The following ALMS1 variants were observed in gnomAD, a reference collection of about 807,000 sequenced individuals.
ALMS1 encodes the protein ALMS1 centrosome and basal body associated protein.
A neutral mutation model predicts 352.2 loss-of-function variants in ALMS1; 271 were observed. The ratio of observed to expected loss-of-function variants is 0.77; its 90% CI spans 0.70 to 0.85. The LOEUF (loss-of-function observed/expected upper bound fraction) is 0.85. Among genes scored for constraint, ALMS1 ranks in the 40% least tolerant of loss-of-function variants. The pLI is 0.00. For synonymous variants in ALMS1, 1,865 were observed against 1,761.2 expected (o/e 1.06, Z -1.48); for missense variants, 5,445 against 4,870.7 (o/e 1.12, Z -3.51).
chr2:73,494,108 A>G (rs1673052420), intron 10 of ALMS1, among the ~76,000 whole-genome samples: 1 of 152,212 alleles, frequency 6.6e-6, no homozygotes. Context: ...TAAGGCACTC[A>G]TAATATGACA....
intron 9 of ALMS1, among the ~76,000 whole-genome samples, chr2:73,485,621 T>C (rs1008231797): frequency 2.6e-5 from 4 of 152,212 alleles, no homozygotes; most frequent in Non-Finnish European, 5.9e-5. Flanking sequence ...GCTTCCAGGC[T>C]GCTTTGTTTA....
At chr2:73,527,358 T>A (rs1673812664) in intron 11 of ALMS1, among the ~76,000 whole-genome samples, 1 of 152,104 alleles carries the variant, frequency 6.6e-6, no homozygotes, top group African/African-American at 2.4e-5. Flanking sequence ...TTAGTTCTTC[T>A]TTAACTATTT....
chr2:73,439,025 TTTC>T (rs1014208326), intron 7 of ALMS1, among the ~76,000 whole-genome samples: 17 of 152,000 alleles, frequency 1.1e-4, no homozygotes, highest in African/African-American at 3.1e-4. Flanking sequence ...TCCTCCTTTT[TTTC>T]TTCTTTTTTC....
intron 16 of ALMS1, among the ~76,000 whole-genome samples, chr2:73,579,968 C>T (rs373386017): frequency 2.0e-5 from 3 of 152,186 alleles, no homozygotes; most frequent in Non-Finnish European, 4.4e-5. Context: ...AATATTCCTT[C>T]TGCCCCTTTC....
At chr2:73,530,205 A>G (rs1312146805) in intron 11 of ALMS1, among the ~76,000 whole-genome samples, 1 of 152,204 alleles carries the variant, frequency 6.6e-6, no homozygotes, top group African/African-American at 2.4e-5. Flanking sequence ...CAAGGCAGGT[A>G]GGTCCCTTCT....
chr2:73,534,675 C>A, intron 11 of ALMS1, 149 bp from the exon 12 acceptor site: 1 of 745,704 alleles, frequency 1.3e-6, no homozygotes, highest in Non-Finnish European at 2.2e-6. Flanking sequence ...AATTCTCATT[C>A]TTCTTGAAGG....
rs749127545 is a variant in ALMS1 at position 73,453,931 on chromosome 2, T to A, written c.7404T>A (p.Ser2468Arg). Residue 2468 changes from serine (S) to arginine (R), a missense_variant, in exon 8 of 23, where the codon AGT becomes AGA. Coordinates refer to ENST00000613296, the MANE Select transcript of ALMS1 (RefSeq NM_001378454.1). ...DSREEEGVSE[S>R]EDGGGSSVDS... ...GGGAGGAAGAGGGTGTGTCAGAGAG[T>A]GAGGATGGTGGTGGTAGCAGTGTAG... 7 of 1,613,404 alleles carry A rather than the reference T, an allele frequency of 4.3e-6. No individual in the cohort carries two copies. Among genetic ancestry groups the A allele is most frequent in the Middle Eastern group, 1.6e-4 (1 of 6,084 alleles).
In ALMS1 at chr2:73,600,863, A is replaced by G. The variant is rs771282076; in HGVS notation, c.11854A>G (p.Lys3952Glu). Residue 3952 changes from lysine to glutamate, a missense_variant, in exon 18 of 23, where the codon AAG becomes GAG. Physicochemically the swap from Lys to Glu is moderately conservative, Grantham distance 56. Coordinates refer to ENST00000613296, the MANE Select transcript of ALMS1 (RefSeq NM_001378454.1). ...TGAGGACAGAAAGTTAAAAAAGAAC[A>G]AGAAGAATTCCCATGAAGGTCAGTT... ...YPEDRKLKKN[K>E]KNSHEGVSWF... 19 of 1,613,864 alleles carry G rather than the reference A, an allele frequency of 1.2e-5. No homozygotes were observed. The highest frequency in any genetic ancestry group is 4.0e-5 in the African/African-American group (3 of 74,910).
At position 73,598,163 on chromosome 2, in the gene ALMS1, A is replaced by G. The variant is rs79955752; in HGVS notation, c.11548-1238A>G. Among the ~76,000 whole-genome samples the G allele has an allele frequency of 2.2e-3, 338 of 152,324 alleles. 2 individuals carry two copies. The highest frequency in any genetic ancestry group is 7.6e-3 in the African/African-American group (317 of 41,572). On this transcript the variant is annotated intron_variant, in intron 16 of 22. Transcript: ENST00000613296. ...CAACTTGTATTATCATCCAACCCAT[A>G]TAACTCCATCTTGCCCTCAAAGATG...
chr2:73,604,359 T>C (rs1675768831), intron 21 of ALMS1, among the ~76,000 whole-genome samples: 1 of 152,160 alleles, frequency 6.6e-6, no homozygotes, highest in Non-Finnish European at 1.5e-5. Flanking sequence ...GATCACACCA[T>C]TACGCTCCGG....
At chr2:73,468,859 A>G (rs949035862) in intron 9 of ALMS1, among the ~76,000 whole-genome samples, 6 of 152,012 alleles carry the variant, frequency 3.9e-5, no homozygotes, top group African/African-American at 1.4e-4. Context: ...ACATCAAGGT[A>G]CAAATTTTAT....
rs77069517 is a variant in ALMS1 at position 73,565,973 on chromosome 2, G to T, written c.10385-6289G>T. Among the ~76,000 whole-genome samples the T allele has an allele frequency of 5.4e-3, 816 of 152,200 alleles. 11 individuals carry two copies. The highest frequency in any genetic ancestry group is 0.018 in the African/African-American group (730 of 41,522). On this transcript the variant is annotated intron_variant, in intron 15 of 22. Coordinates refer to ENST00000613296, the MANE Select transcript of ALMS1 (RefSeq NM_001378454.1). ...TCCTGGAACAGAAAAAGAACAGTAT[G>T]TACAAAACAAGGCAACACAAAGTAT...
intron 7 of ALMS1, among the ~76,000 whole-genome samples, chr2:73,439,884 A>T (rs899535150): frequency 6.6e-6 from 1 of 152,096 alleles, no homozygotes. Flanking sequence ...TTAAGTCTGC[A>T]ATTTTATTAT....
intron 16 of ALMS1, among the ~76,000 whole-genome samples, chr2:73,586,792 A>G (rs1001844370): frequency 1.3e-5 from 2 of 152,114 alleles, no homozygotes; most frequent in African/African-American, 2.4e-5. Context: ...AAGAATGATG[A>G]TGGTATTTTG....
In ALMS1 at chr2:73,491,047, T is replaced by G. The variant is rs754181473; in HGVS notation, c.9088T>G (p.Leu3030Val). ...CCAGTCAGCCCCAAATCACTGTACA[T>G]TAGCAGCATCTGCATCTACTCCTCC... Reference protein sequence around the residue: ...VSQSAPNHCTLAASASTPPSN... With the variant: ...VSQSAPNHCTVAASASTPPSN... Residue 3030 changes from leucine (L) to valine (V), a missense_variant, in exon 10 of 23, where the codon TTA becomes GTA. Transcript: ENST00000613296. 4.3e-6 allele frequency: 7 copies of G among 1,614,244 alleles called. No homozygotes were observed. In the East Asian group the frequency reaches 1.6e-4, roughly 36 times the overall value.
chr2:73,432,870 A>G (rs1008955656), intron 7 of ALMS1, among the ~76,000 whole-genome samples: 1 of 152,182 alleles, frequency 6.6e-6, no homozygotes, highest in Non-Finnish European at 1.5e-5. Flanking sequence ...ACTGAATTAT[A>G]TGGAGGAGTC....
At chr2:73,496,233 C>CT (rs1436024866) in intron 10 of ALMS1, among the ~76,000 whole-genome samples, 2 of 152,160 alleles carry the variant, frequency 1.3e-5, no homozygotes, top group Non-Finnish European at 2.9e-5. Context: ...TATGCCGTTC[C>CT]TTTGGAGACA....
intron 16 of ALMS1, among the ~76,000 whole-genome samples, chr2:73,595,586 C>A (rs77366887): frequency 6.6e-6 from 1 of 152,158 alleles, no homozygotes; most frequent in African/African-American, 2.4e-5. Context: ...GTGAATGCTG[C>A]TATTAATACT....
At chr2:73,530,715 T>G (rs1421990695) in intron 11 of ALMS1, among the ~76,000 whole-genome samples, 1 of 152,234 alleles carries the variant, frequency 6.6e-6, no homozygotes, top group African/African-American at 2.4e-5. Context: ...GCTCTGCCCC[T>G]GCAGCAGACT....
Sources: allele counts gnomAD v4.1 joint callset (sites outside exome capture counted in the v4.1 genomes callset), GRCh38; gene constraint gnomAD v4.1.1; transcripts MANE v1.5; gene names NCBI Gene and HGNC (gene_info 2026-07-23, HGNC 2026-07-21).